FHIT: variants seen among roughly 807,000 people sequenced by gnomAD.
FHIT encodes fragile histidine triad diadenosine triphosphatase, also known as bis(5'-adenosyl)-triphosphatase.
In FHIT, 19 loss-of-function variants were observed where a neutral mutation model predicts 17.9. That is an observed-to-expected ratio of 1.06 (90% CI 0.74 to 1.56). The LOEUF is 1.56. FHIT is among the 40% of genes most tolerant of loss of function. The probability of loss-of-function intolerance (pLI) is 0.00; values close to 1 mark genes in which losing one functional copy is unlikely to be tolerated. For missense variants in FHIT, 248 were observed against 189.2 expected (o/e 1.31, Z -1.82); for synonymous variants, 81 against 69.7 (o/e 1.16, Z -0.81).
intron 5 of FHIT, among the ~76,000 whole-genome samples, chr3:60,118,095 T>C (rs1489057561): frequency 6.6e-6 from 1 of 152,152 alleles, no homozygotes; most frequent in Non-Finnish European, 1.5e-5. Context: ...CAGCAAGGTG[T>C]TATAATGTAT....
At chr3:60,678,756 T>C (rs6773741) in intron 4 of FHIT, among the ~76,000 whole-genome samples, 37,234 of 151,958 alleles carry the variant, frequency 0.25, 5,400 homozygotes, top group East Asian at 0.74. Context: ...GTCCCTAATT[T>C]TGTCCCAAGA....
intron 5 of FHIT, among the ~76,000 whole-genome samples, chr3:60,356,181 A>G (rs1576527629): frequency 6.6e-6 from 1 of 152,350 alleles, no homozygotes; most frequent in South Asian, 2.1e-4. Flanking sequence ...GATATTTACC[A>G]AGTCTTGGGA....
rs1357921272 is a variant in FHIT, at chr3:60,385,722, G to A, written c.103+151138C>T. Among the ~76,000 whole-genome samples the A allele has an allele frequency of 2.0e-5, 3 of 152,100 alleles. No homozygotes were observed. In the East Asian group the frequency reaches 5.8e-4, roughly 30 times the overall value. The stretch of plus-strand genomic sequence containing the variant: ...ATCTACCTGAGTAGCTGGGAATAAA[G>A]GCATGCACCGCCATACCCAGTGAAT... On this transcript the variant is annotated intron_variant, in intron 5 of 9. Transcript: ENST00000492590.
At chr3:60,495,486 C>T (rs1392305503) in intron 5 of FHIT, among the ~76,000 whole-genome samples, 1 of 151,798 alleles carries the variant, frequency 6.6e-6, no homozygotes, top group Non-Finnish European at 1.5e-5. Context: ...CCAGATTTTT[C>T]CAAATTAAAA....
chr3:60,144,361 T>C (rs928817840), intron 5 of FHIT, among the ~76,000 whole-genome samples: 1 of 152,190 alleles, frequency 6.6e-6, no homozygotes, highest in African/African-American at 2.4e-5. Flanking sequence ...TGAACACTCA[T>C]AATAACCCAA....
At chr3:60,323,418 A>G (rs1042561606) in intron 5 of FHIT, among the ~76,000 whole-genome samples, 5 of 152,196 alleles carry the variant, frequency 3.3e-5, no homozygotes, top group Non-Finnish European at 7.3e-5. Context: ...CACTTTCCAC[A>G]TAAGCCGGTT....
chr3:60,988,976 CAA>C (rs1375244594), intron 3 of FHIT, among the ~76,000 whole-genome samples: 1 of 22,058 alleles, frequency 4.5e-5, no homozygotes, highest in Admixed American at 5.2e-4. Flanking sequence ...AAAAAAAAAA[CAA>C]GATAATTTGG....
At chr3:60,347,474 T>A (rs756996158) in intron 5 of FHIT, among the ~76,000 whole-genome samples, 11 of 152,070 alleles carry the variant, frequency 7.2e-5, no homozygotes, top group Non-Finnish European at 1.3e-4. Context: ...ACTTAGCAAG[T>A]GCTGGGGGGA....
intron 5 of FHIT, among the ~76,000 whole-genome samples, chr3:60,051,710 C>T (rs1701887797): frequency 6.6e-6 from 1 of 152,128 alleles, no homozygotes; most frequent in Non-Finnish European, 1.5e-5. Context: ...GGAGGTTTCC[C>T]TTCAATGCTT....
chr3:59,755,156 T>C lies in FHIT; in HGVS notation c.349-2835A>G, dbSNP rs565260216. Among the ~76,000 whole-genome samples, 3 of 152,336 alleles carry C rather than the reference T, an allele frequency of 2.0e-5. No individual in the cohort carries two copies. In the South Asian group the frequency reaches 6.2e-4, roughly 32 times the overall value. ...CTTGTGATCCTATCAACAGTACTAC[T>C]GCTGTCCTTTGCAAACCTTGCCCTA... On this transcript the variant is annotated intron_variant, in intron 8 of 9. Coordinates refer to ENST00000492590, the MANE Select transcript of FHIT (RefSeq NM_002012.4).
chr3:60,316,901 C>G (rs911348975), intron 5 of FHIT, among the ~76,000 whole-genome samples: 10 of 152,238 alleles, frequency 6.6e-5, no homozygotes, highest in African/African-American at 2.2e-4. Context: ...ACCTGCAGAG[C>G]TTGTTAAATA....
intron 7 of FHIT, among the ~76,000 whole-genome samples, chr3:59,932,007 A>G (rs1282541339): frequency 6.6e-6 from 1 of 152,202 alleles, no homozygotes; most frequent in African/African-American, 2.4e-5. Flanking sequence ...ATGTGATGCT[A>G]TATAAAGTGT....
intron 5 of FHIT, among the ~76,000 whole-genome samples, chr3:60,488,947 C>A (rs146320755): frequency 1.3e-5 from 2 of 152,248 alleles, no homozygotes; most frequent in African/African-American, 4.8e-5. Flanking sequence ...CTTTTGGAAT[C>A]CCTTTTCAGT....
At chr3:60,254,909 C>T (rs1256260103) in intron 5 of FHIT, among the ~76,000 whole-genome samples, 3 of 152,160 alleles carry the variant, frequency 2.0e-5, no homozygotes, top group South Asian at 2.1e-4. Context: ...ATAAGCACAT[C>T]ACAAGGATGG....
chr3:61,048,985 G>C (rs1205542562), intron 2 of FHIT, among the ~76,000 whole-genome samples: 3 of 151,916 alleles, frequency 2.0e-5, no homozygotes, highest in Admixed American at 6.6e-5. Flanking sequence ...TGGGGTTGGG[G>C]GAGTGGGGAG....
intron 5 of FHIT, among the ~76,000 whole-genome samples, chr3:60,474,562 A>G (rs953254942): frequency 3.3e-5 from 5 of 152,166 alleles, no homozygotes; most frequent in Non-Finnish European, 7.3e-5. Context: ...CTACATTTTC[A>G]AAACAGTAGA....
intron 3 of FHIT, among the ~76,000 whole-genome samples, chr3:61,003,910 T>C (rs1559902112): frequency 6.6e-6 from 1 of 152,252 alleles, no homozygotes; most frequent in Non-Finnish European, 1.5e-5. Flanking sequence ...GTTTGGTTTT[T>C]TATGGAAGCT....
chr3:60,415,587 G>C (rs1287686008), intron 5 of FHIT, among the ~76,000 whole-genome samples: 1 of 151,998 alleles, frequency 6.6e-6, no homozygotes, highest in African/African-American at 2.4e-5. Flanking sequence ...ACAGGTGCTG[G>C]ACAACCAAGT....
intron 5 of FHIT, among the ~76,000 whole-genome samples, chr3:60,353,550 A>G (rs1699512961): frequency 6.6e-6 from 1 of 152,170 alleles, no homozygotes. Flanking sequence ...TAATCAATTT[A>G]GACAACAAAT....
Sources: gnomAD v4.1 joint callset for allele counts (sites outside exome capture counted in the v4.1 genomes callset) on GRCh38, gnomAD v4.1.1 for gene constraint, MANE v1.5 for transcripts, NCBI Gene and HGNC (gene_info 2026-07-23, HGNC 2026-07-21) for gene names.